Variants in PTPN13 observed in about 807,000 individuals in gnomAD.
PTPN13 encodes tyrosine-protein phosphatase non-receptor type 13.
A neutral mutation model predicts 284.0 loss-of-function variants in PTPN13; 191 were observed. The observed-to-expected ratio is 0.67, with a 90% confidence interval of 0.60 to 0.76. PTPN13 has a LOEUF of 0.76. Ranked by LOEUF, PTPN13 falls within the 30% of genes least tolerant of loss-of-function variation. The probability of loss-of-function intolerance (pLI) is 0.00; values close to 1 mark genes in which losing one functional copy is unlikely to be tolerated. For missense variants in PTPN13, 2,797 were observed against 2,939.9 expected, an observed-to-expected ratio of 0.95 and a Z score of 1.12; for synonymous variants, 986 against 1,022.3, an observed-to-expected ratio of 0.96 and a Z score of 0.68.
Position 86,771,171 on chromosome 4 carries a change from A to C in PTPN13, c.4804A>C (p.Thr1602Pro), listed in dbSNP as rs1565535263. The C allele has an allele frequency of 1.2e-6, 2 of 1,605,630 alleles. No homozygotes were observed. Among genetic ancestry groups the C allele is most frequent in the Admixed American group, 1.7e-5 (1 of 59,244 alleles). Residue 1602 changes from threonine to proline, a missense_variant and splice_region_variant, in exon 31 of 48, where the codon ACC becomes CCC. Transcript: ENST00000411767. ...VLPEIDTALL[T>P]PLQSPAQVLP... ...ATCTCTTTAAATGTGTCCATTACAG[A>C]CCCCACTTCAGTCTCCAGCACAAGT...
Position 86,772,993 on chromosome 4 carries a change from A to G in PTPN13, c.5349+35A>G, listed in dbSNP as rs757274402. On this transcript the variant is annotated intron_variant, in intron 32 of 47. Coordinates refer to ENST00000411767, the MANE Select transcript of PTPN13 (RefSeq NM_080683.3). ...TTTCTCTATATTTAAAAAAAAATCC[A>G]TATTTTTTAAAAGAAGGTGTGTTCA... The G allele has an allele frequency of 1.0e-5, 14 of 1,402,074 alleles. No individual in the cohort carries two copies. The South Asian group carries it at 1.7e-4, about 17-fold the overall frequency. 86.9% of individuals were successfully genotyped at this position (1,402,074 alleles called of 1,614,324 possible).
intron 1 of PTPN13, among the ~76,000 whole-genome samples, chr4:86,619,386 C>G (rs554263169): frequency 6.6e-6 from 1 of 152,248 alleles, no homozygotes; most frequent in South Asian, 2.1e-4. Flanking sequence ...ACTCAAATTG[C>G]TCCATTCTAA....
At chr4:86,759,193 G>C in intron 23 of PTPN13, 120 bp downstream of exon 23, 1 of 987,754 alleles carries the variant, frequency 1.0e-6, no homozygotes, top group East Asian at 2.6e-5. Flanking sequence ...TAAGTAAACT[G>C]TGATTACTTA....
At chr4:86,802,538 C>G (rs1578715108) in intron 42 of PTPN13, among the ~76,000 whole-genome samples, 1 of 152,166 alleles carries the variant, frequency 6.6e-6, no homozygotes, top group East Asian at 1.9e-4. Context: ...GAGCCAAGAG[C>G]CTTAAAAACT....
chr4:86,635,439 G>A (rs891093410), intron 2 of PTPN13, 68 bp downstream of exon 2: 9 of 1,533,436 alleles, frequency 5.9e-6, no homozygotes, highest in Middle Eastern at 3.9e-4. Flanking sequence ...AACAGATACA[G>A]GGTCAGAGAT....
chr4:86,655,221 T>G (rs1034453127), intron 2 of PTPN13, among the ~76,000 whole-genome samples: 3 of 152,156 alleles, frequency 2.0e-5, no homozygotes, highest in Non-Finnish European at 2.9e-5. Context: ...TCTTTTAATT[T>G]GAGTATTTAG....
intron 43 of PTPN13, among the ~76,000 whole-genome samples, chr4:86,804,686 T>G (rs1003256278): frequency 6.6e-6 from 1 of 152,242 alleles, no homozygotes; most frequent in African/African-American, 2.4e-5. Context: ...AATATTTGTT[T>G]ACTTCTTTAT....
At chr4:86,766,403 A>C in intron 26 of PTPN13, 29 bp from the exon 27 acceptor site, 3 of 1,529,896 alleles carry the variant, frequency 2.0e-6, no homozygotes, top group South Asian at 1.2e-5. Flanking sequence ...TAGGATTTTT[A>C]TTTATGATTT....
Position 86,726,325 on chromosome 4 carries a change from C to A in PTPN13, c.1608+3891C>A, listed in dbSNP as rs1260595446. Among the ~76,000 whole-genome samples, 15 of 149,188 alleles carry A rather than the reference C, an allele frequency of 1.0e-4. 2 individuals carry two copies. The highest frequency in any genetic ancestry group is 2.1e-4 in the Non-Finnish European group (14 of 66,506). On this transcript the variant is annotated intron_variant, in intron 10 of 47. Coordinates refer to ENST00000411767, the MANE Select transcript of PTPN13 (RefSeq NM_080683.3). ...GGGCTCTTTTTTGGTTCCATATGAA[C>A]TTTAAAGTAGTTTTTTCTTATTCTG...
intron 40 of PTPN13, among the ~76,000 whole-genome samples, chr4:86,787,421 C>T (rs1388040924): frequency 2.0e-5 from 3 of 151,454 alleles, no homozygotes; most frequent in Non-Finnish European, 2.9e-5. Flanking sequence ...GGAGAAACCC[C>T]GTCTCTACTA....
intron 12 of PTPN13, among the ~76,000 whole-genome samples, chr4:86,733,671 T>C (rs1735191695): frequency 6.6e-6 from 1 of 152,172 alleles, no homozygotes; most frequent in East Asian, 1.9e-4. Context: ...GTCAATATTG[T>C]CTACATGAAG....
chr4:86,750,745 G>C lies in PTPN13; in HGVS notation c.2926G>C (p.Ala976Pro). 3 of 1,613,578 alleles carry C rather than the reference G, an allele frequency of 1.9e-6. No homozygotes were observed. Among genetic ancestry groups the C allele is most frequent in the Non-Finnish European group, 2.5e-6 (3 of 1,179,696 alleles). ...MSKSYHDLSQ[A>P]SLYPHRKNVI... ...TAAATCATACCATGATCTCAGTCAG[G>C]CCTCTCTCTATCCACATCGGAAAAA... is the stretch of plus-strand genomic sequence containing the variant. Residue 976 changes from alanine (A) to proline (P), a missense_variant, in exon 18 of 48, where the codon GCC becomes CCC. Ala to Pro is a conservative substitution (Grantham distance 27). Coordinates refer to ENST00000411767, the MANE Select transcript of PTPN13 (RefSeq NM_080683.3).
At chr4:86,734,950 G>T in intron 14 of PTPN13, 75 bp downstream of exon 14, 2 of 1,471,660 alleles carry the variant, frequency 1.4e-6, no homozygotes, top group Non-Finnish European at 9.2e-7. Context: ...GACTAAACCT[G>T]ATTCAGGTGT....
intron 3 of PTPN13, among the ~76,000 whole-genome samples, chr4:86,678,645 T>G (rs1728553127): frequency 1.3e-5 from 2 of 152,220 alleles, no homozygotes; most frequent in Admixed American, 1.3e-4. Context: ...CTGAAACTTT[T>G]CTCCCTTCCA....
At chr4:86,747,182 A>G (rs2149192724) in intron 17 of PTPN13, among the ~76,000 whole-genome samples, 1 of 152,384 alleles carries the variant, frequency 6.6e-6, no homozygotes, top group East Asian at 1.9e-4. Context: ...ACTGAAGAAC[A>G]ATATGGTATA....
intron 7 of PTPN13, among the ~76,000 whole-genome samples, chr4:86,708,825 G>C (rs1164487510): frequency 6.6e-6 from 1 of 151,866 alleles, no homozygotes. Flanking sequence ...TAAAATTCTA[G>C]CTCCTTGGAT....
At chr4:86,783,830 G>A (rs1439505608) in intron 37 of PTPN13, among the ~76,000 whole-genome samples, 1 of 151,766 alleles carries the variant, frequency 6.6e-6, no homozygotes, top group Non-Finnish European at 1.5e-5. Context: ...TATGCTCCAT[G>A]AAGTGCTTTA....
In PTPN13 at chr4:86,701,662, T is replaced by C. The variant is rs533665865; in HGVS notation, c.1056T>C (p.Asp352=). 34 of 1,613,960 alleles carry C rather than the reference T, an allele frequency of 2.1e-5. No individual in the cohort carries two copies. In the South Asian group the frequency reaches 3.5e-4, roughly 17 times the overall value. Residue 352 remains aspartate, a synonymous_variant, in exon 7 of 48, where the codon GAT becomes GAC. Transcript: ENST00000411767. ...ACTCAGATGGAAGTATAGCCTTGGATATCTTTGGCCCTCAGAAAATGGATC... is the reference window on the plus strand; with the variant it reads ...ACTCAGATGGAAGTATAGCCTTGGACATCTTTGGCCCTCAGAAAATGGATC... ...ARYSDGSIAL[D]IFGPQKMDPI...
chr4:86,797,990 A>G (rs574388312), intron 41 of PTPN13, among the ~76,000 whole-genome samples: 1 of 152,336 alleles, frequency 6.6e-6, no homozygotes, highest in South Asian at 2.1e-4. Flanking sequence ...ACACTTTTGT[A>G]GGTGATGATA....
Sources: gnomAD v4.1 joint callset for allele counts (sites outside exome capture counted in the v4.1 genomes callset) on GRCh38, gnomAD v4.1.1 for gene constraint, MANE v1.5 for transcripts, NCBI Gene and HGNC (gene_info 2026-07-23, HGNC 2026-07-21) for gene names.